The following ABCD3 variants were observed in gnomAD, a reference collection of about 807,000 sequenced individuals.
ABCD3 encodes ATP binding cassette subfamily D member 3, also known as ATP-binding cassette sub-family D member 3.
ABCD3 carries 41 observed loss-of-function variants against 105.5 expected under a neutral mutation model. That is an observed-to-expected ratio of 0.39 (90% CI 0.30 to 0.50). The LOEUF is 0.50. ABCD3 is among the 20% of genes least tolerant of loss of function. ABCD3 has a pLI of 0.84. For synonymous variants in ABCD3, 258 were observed against 269.0 expected, an observed-to-expected ratio of 0.96 and a Z score of 0.40; for missense variants, 622 against 806.3, an observed-to-expected ratio of 0.77 and a Z score of 2.77.
At chr1:94,492,724 A>G (rs1570813976) in intron 16 of ABCD3, among the ~76,000 whole-genome samples, 2 of 148,676 alleles carry the variant, frequency 1.3e-5, no homozygotes, top group African/African-American at 5.0e-5. Flanking sequence ...CCTTTCTCCT[A>G]CTTACCCTCA....
chr1:94,458,763 C>G (rs1202075252), intron 2 of ABCD3, 120 bp downstream of exon 2: 2 of 938,746 alleles, frequency 2.1e-6, no homozygotes, highest in African/African-American at 1.7e-5. Context: ...ATACTCCAGT[C>G]TTCTACACAT....
At chr1:94,412,555 C>A in the ABCD3 span, among the ~76,000 whole-genome samples, 1 of 152,060 alleles carries the variant, frequency 6.6e-6, no homozygotes, top group Non-Finnish European at 1.5e-5. Flanking sequence ...GAAAAGTTCC[C>A]AATTCTTTGC....
At chr1:94,465,814 A>G (rs1347469659) in intron 3 of ABCD3, among the ~76,000 whole-genome samples, 1 of 152,228 alleles carries the variant, frequency 6.6e-6, no homozygotes, top group East Asian at 1.9e-4. Context: ...GATTATTAAA[A>G]TAATGCCGTA....
intron 1 of ABCD3, among the ~76,000 whole-genome samples, chr1:94,423,857 C>T (rs780930724): frequency 6.6e-6 from 1 of 152,128 alleles, no homozygotes; most frequent in Non-Finnish European, 1.5e-5. Flanking sequence ...CTGCAAACTT[C>T]AAAATTCAGC....
At chr1:94,495,689 A>G (rs1036831940) in intron 16 of ABCD3, among the ~76,000 whole-genome samples, 1 of 152,158 alleles carries the variant, frequency 6.6e-6, no homozygotes, top group African/African-American at 2.4e-5. Context: ...GTGGAAGGGT[A>G]TTATTGGAGG....
At chr1:94,387,094 C>T in the ABCD3 span, among the ~76,000 whole-genome samples, 5 of 152,202 alleles carry the variant, frequency 3.3e-5, no homozygotes, top group Middle Eastern at 3.4e-3. Context: ...TTTTTCTATG[C>T]GAAGCTTTTC....
intron 2 of ABCD3, among the ~76,000 whole-genome samples, chr1:94,463,899 A>G (rs1263985456): frequency 1.3e-5 from 2 of 152,168 alleles, no homozygotes; most frequent in African/African-American, 4.8e-5. Flanking sequence ...CTACAGCAAT[A>G]CTGCCATCTT....
the ABCD3 span, among the ~76,000 whole-genome samples, chr1:94,404,801 T>TA: frequency 2.2e-4 from 34 of 152,192 alleles, no homozygotes; most frequent in East Asian, 6.4e-3. Context: ...TTTGCTTTTA[T>TA]AAAAAACTTA....
intron 2 of ABCD3, among the ~76,000 whole-genome samples, chr1:94,459,410 A>C (rs1182859646): frequency 3.9e-5 from 6 of 152,126 alleles, no homozygotes; most frequent in Non-Finnish European, 8.8e-5. Flanking sequence ...GTAGTTGTCC[A>C]GTTATGGCCT....
At chr1:94,489,673 A>G (rs1035207857) in intron 13 of ABCD3, 52 bp from the exon 14 acceptor site, 2 of 1,255,402 alleles carry the variant, frequency 1.6e-6, no homozygotes, top group Admixed American at 1.8e-5. Context: ...AAAATAAAAG[A>G]TGTGACAATA....
chr1:94,475,908 A>T (rs938296987), intron 7 of ABCD3, among the ~76,000 whole-genome samples, 171 bp downstream of exon 7: 11 of 152,074 alleles, frequency 7.2e-5, no homozygotes, highest in Non-Finnish European at 1.2e-4. Flanking sequence ...AATTTTTTCT[A>T]TTATTTTTGT....
chr1:94,399,185 A>AC, the ABCD3 span, among the ~76,000 whole-genome samples: 2 of 152,150 alleles, frequency 1.3e-5, no homozygotes, highest in Admixed American at 6.6e-5. Flanking sequence ...GAATTCCTTC[A>AC]CCCTGCCCAA....
At chr1:94,453,636 A>G (rs1647381943) in intron 1 of ABCD3, among the ~76,000 whole-genome samples, 2 of 151,952 alleles carry the variant, frequency 1.3e-5, no homozygotes, top group African/African-American at 4.8e-5. Flanking sequence ...ATATTTTTCT[A>G]GAAAATTAAC....
chr1:94,422,793 T>C (rs1659309658), intron 1 of ABCD3, among the ~76,000 whole-genome samples: 2 of 152,206 alleles, frequency 1.3e-5, no homozygotes, highest in African/African-American at 4.8e-5. Context: ...TGAGCATATA[T>C]AACCTGACCT....
chr1:94,499,856 A>G (rs750650153), intron 20 of ABCD3, among the ~76,000 whole-genome samples: 2 of 152,166 alleles, frequency 1.3e-5, no homozygotes, highest in Non-Finnish European at 2.9e-5. Context: ...CTATATACCA[A>G]TAATCCATTT....
chr1:94,426,322 A>T (rs1411976339), intron 1 of ABCD3, among the ~76,000 whole-genome samples: 1 of 152,190 alleles, frequency 6.6e-6, no homozygotes, highest in Non-Finnish European at 1.5e-5. Context: ...TTAAAGAGGC[A>T]TTGCTAAATG....
chr1:94,496,176 C>G (rs966837670), intron 16 of ABCD3, among the ~76,000 whole-genome samples: 2 of 152,134 alleles, frequency 1.3e-5, no homozygotes, highest in African/African-American at 4.8e-5. Flanking sequence ...GCAGCCACCA[C>G]CACTATCCAT....
At chr1:94,442,694 C>A (rs1401038936) in intron 1 of ABCD3, among the ~76,000 whole-genome samples, 1 of 152,198 alleles carries the variant, frequency 6.6e-6, no homozygotes, top group African/African-American at 2.4e-5. Flanking sequence ...CATCGTTAAG[C>A]TCCCACTTAT....
At chr1:94,399,125 T>G in the ABCD3 span, among the ~76,000 whole-genome samples, 1 of 152,226 alleles carries the variant, frequency 6.6e-6, no homozygotes, top group Non-Finnish European at 1.5e-5. Context: ...CATGGTATCA[T>G]GCAGAACAGG....
Sources: gnomAD v4.1 joint callset for allele counts (sites outside exome capture counted in the v4.1 genomes callset) on GRCh38, gnomAD v4.1.1 for gene constraint, MANE v1.5 for transcripts, NCBI Gene and HGNC (gene_info 2026-07-23, HGNC 2026-07-21) for gene names.